DSCAM: variants seen among roughly 807,000 people sequenced by gnomAD.
The protein encoded by DSCAM is DS cell adhesion molecule.
In DSCAM, 47 loss-of-function variants were observed where a neutral mutation model predicts 217.7. The ratio of observed to expected loss-of-function variants is 0.22; its 90% CI spans 0.17 to 0.28. The LOEUF is 0.28. Among genes scored for constraint, DSCAM ranks in the 10% least tolerant of loss-of-function variants. The probability of loss-of-function intolerance (pLI) is 1.00; values close to 1 mark genes in which losing one functional copy is unlikely to be tolerated. For synonymous variants in DSCAM, 1,056 were observed against 1,015.3 expected (o/e 1.04, Z -0.76); for missense variants, 2,080 against 2,618.3 (o/e 0.79, Z 4.49).
At chr21:40,839,723 T>C (rs1244164017) in intron 1 of DSCAM, among the ~76,000 whole-genome samples, 1 of 152,220 alleles carries the variant, frequency 6.6e-6, no homozygotes, top group Non-Finnish European at 1.5e-5. Context: ...GGTGATCTCT[T>C]GCATTTTCAA....
rs201912760 is a variant in DSCAM at position 40,214,985 on chromosome 21, C to T, written c.2357-25747G>A. On this transcript the variant is annotated intron_variant, in intron 11 of 32. Coordinates refer to ENST00000400454, the MANE Select transcript of DSCAM (RefSeq NM_001389.5). ...CTGTAATCCCAGCACTTTGGGAGGC[C>T]GAGGCGGGTGGATCACGAGGTCAGG... Among the ~76,000 whole-genome samples, 3 of 32,022 alleles carry T rather than the reference C, an allele frequency of 9.4e-5. 1 individual carries two copies. The highest frequency in any genetic ancestry group is 2.3e-4 in the Non-Finnish European group (3 of 12,894). 21.0% of individuals were successfully genotyped at this position (32,022 alleles called of 152,430 possible).
chr21:40,762,768 T>C (rs2091348083), intron 1 of DSCAM, among the ~76,000 whole-genome samples: 1 of 152,118 alleles, frequency 6.6e-6, no homozygotes, highest in Admixed American at 6.5e-5. Flanking sequence ...TCCACCATGA[T>C]CAAGTCAGCT....
At chr21:40,455,245 G>A (rs965784404) in intron 3 of DSCAM, among the ~76,000 whole-genome samples, 2 of 152,116 alleles carry the variant, frequency 1.3e-5, no homozygotes, top group African/African-American at 2.4e-5. Context: ...TTGAGCCGAC[G>A]AATCATTTGA....
chr21:40,601,189 C>A (rs1338783967), intron 3 of DSCAM, among the ~76,000 whole-genome samples: 3 of 152,132 alleles, frequency 2.0e-5, no homozygotes, highest in Non-Finnish European at 2.9e-5. Context: ...TATATCTTGT[C>A]TATTTCATTA....
intron 2 of DSCAM, among the ~76,000 whole-genome samples, chr21:40,693,676 A>T (rs2090565188): frequency 6.6e-6 from 1 of 152,166 alleles, no homozygotes; most frequent in Admixed American, 6.5e-5. Context: ...CAATTAAAAT[A>T]ATTTTTCATT....
intron 15 of DSCAM, 129 bp from the exon 16 acceptor site, chr21:40,167,417 G>T: frequency 1.4e-6 from 1 of 726,354 alleles, no homozygotes; most frequent in Non-Finnish European, 2.4e-6. Context: ...AGTTTTTAGC[G>T]GTCATGGGAA....
chr21:40,128,784 G>A (rs528994691), intron 19 of DSCAM, among the ~76,000 whole-genome samples: 5 of 151,864 alleles, frequency 3.3e-5, no homozygotes, highest in South Asian at 4.2e-4. Context: ...AGCTCACACC[G>A]TGATTCATCT....
intron 3 of DSCAM, among the ~76,000 whole-genome samples, chr21:40,466,080 G>A (rs1400547613): frequency 1.3e-5 from 2 of 152,114 alleles, no homozygotes; most frequent in African/African-American, 2.4e-5. Flanking sequence ...AGAAAGAAAC[G>A]CCAGCATCCC....
chr21:40,827,584 A>AC (rs34601162), intron 1 of DSCAM, among the ~76,000 whole-genome samples: 152,266 of 152,266 alleles, frequency 1, 76,133 homozygotes, highest in Non-Finnish European at 1. Context: ...GGTGAAGAAG[A>AC]CCTGATCAGT....
chr21:40,018,330 T>C (rs1051459056), intron 32 of DSCAM, among the ~76,000 whole-genome samples: 1 of 152,108 alleles, frequency 6.6e-6, no homozygotes, highest in Non-Finnish European at 1.5e-5. Context: ...AAATTGTTAA[T>C]TTTATTATTT....
At chr21:40,342,648 A>ATTTTTTTT (rs1202355440) in intron 6 of DSCAM, among the ~76,000 whole-genome samples, 1 of 80,322 alleles carries the variant, frequency 1.2e-5, no homozygotes, top group African/African-American at 5.2e-5. Context: ...ATATATATAT[A>ATTTTTTTT]TTTTTTTTTT....
intron 16 of DSCAM, among the ~76,000 whole-genome samples, chr21:40,157,692 TTTTTC>T (rs1476450752): frequency 1.5e-5 from 1 of 67,472 alleles, no homozygotes; most frequent in Non-Finnish European, 3.9e-5. Flanking sequence ...TTCCTTTTCT[TTTTTC>T]TTTTTTTTTT....
At chr21:40,728,482 A>C (rs1046176127) in intron 1 of DSCAM, among the ~76,000 whole-genome samples, 1 of 151,912 alleles carries the variant, frequency 6.6e-6, no homozygotes, top group Non-Finnish European at 1.5e-5. Context: ...GCAGTGGTGC[A>C]ATCTTGACTC....
intron 3 of DSCAM, among the ~76,000 whole-genome samples, chr21:40,545,727 T>C (rs1424793443): frequency 6.6e-6 from 1 of 152,114 alleles, no homozygotes; most frequent in Non-Finnish European, 1.5e-5. Context: ...GCACCAGCAA[T>C]GGTCTGGCTA....
At chr21:40,238,831 C>A (rs2073111446) in intron 11 of DSCAM, among the ~76,000 whole-genome samples, 1 of 152,142 alleles carries the variant, frequency 6.6e-6, no homozygotes. Context: ...TTTCTAGAAT[C>A]CTACCACTTT....
chr21:40,274,708 T>C (rs1450211803), intron 11 of DSCAM, among the ~76,000 whole-genome samples: 1 of 152,182 alleles, frequency 6.6e-6, no homozygotes, highest in Non-Finnish European at 1.5e-5. Context: ...GAGCATACGA[T>C]TTAAAAGTCA....
At position 40,692,882 on chromosome 21, in the gene DSCAM, T is replaced by C. The variant is rs919023811; in HGVS notation, c.436A>G (p.Ile146Val). ...MRGNVAVFKC[I>V]IPSSVEAYIT... The stretch of plus-strand genomic sequence containing the variant: ...TACGCCTCCACCGAGGAGGGGATAA[T>C]GCACTTGAAGACCGCAACATTGCCT... The change falls in exon 3 of 33, where the codon ATT becomes GTT. Residue 146 changes from isoleucine (I) to valine (V), a missense_variant. By Grantham distance (29) the Ile-to-Val change is conservative (BLOSUM62 3). Transcript: ENST00000400454. 4.3e-6 allele frequency: 7 copies of C among 1,613,814 alleles called. No individual in the cohort carries two copies. The highest frequency in any genetic ancestry group is 5.9e-6 in the Non-Finnish European group (7 of 1,179,912).
intron 3 of DSCAM, among the ~76,000 whole-genome samples, chr21:40,643,007 T>C (rs1001194933): frequency 3.3e-5 from 5 of 152,216 alleles, no homozygotes; most frequent in African/African-American, 1.2e-4. Flanking sequence ...GGGGCTGCTG[T>C]GTGTTTCAGG....
chr21:40,802,754 G>T (rs2091879), intron 1 of DSCAM, among the ~76,000 whole-genome samples: 67,703 of 152,028 alleles, frequency 0.45, 17,098 homozygotes, highest in South Asian at 0.65. Context: ...CTCTGCAAAG[G>T]GTCCTCACCA....
Sources: allele counts gnomAD v4.1 joint callset (sites outside exome capture counted in the v4.1 genomes callset), GRCh38; gene constraint gnomAD v4.1.1; transcripts MANE v1.5; gene names NCBI Gene and HGNC (gene_info 2026-07-23, HGNC 2026-07-21).